Variants in PRKCB observed in about 807,000 individuals in gnomAD.
PRKCB encodes the protein protein kinase C beta, also known as protein kinase C beta type.
Under a neutral mutation model 81.5 loss-of-function variants are expected in PRKCB, and 13 were observed. The ratio of observed to expected loss-of-function variants is 0.16; its 90% CI spans 0.10 to 0.25. PRKCB has a LOEUF of 0.25. Ranked by LOEUF, PRKCB falls within the 10% of genes least tolerant of loss-of-function variation. The pLI is 1.00. For missense variants in PRKCB, 509 were observed against 875.7 expected (o/e 0.58, Z 5.29); for synonymous variants, 335 against 321.4 (o/e 1.04, Z -0.45).
At chr16:24,025,426 T>C (rs374425948) in intron 3 of PRKCB, among the ~76,000 whole-genome samples, 1 of 152,240 alleles carries the variant, frequency 6.6e-6, no homozygotes, top group East Asian at 1.9e-4. Context: ...TCCCTTAAAA[T>C]AGTCCCTGGC....
chr16:24,213,321 C>T (rs142360834), intron 16 of PRKCB, among the ~76,000 whole-genome samples: 89 of 152,342 alleles, frequency 5.8e-4, no homozygotes, highest in African/African-American at 2.1e-3. Context: ...GCGTGAGCCA[C>T]TGCGCCCAGT....
At chr16:24,091,083 G>A (rs771232164) in intron 5 of PRKCB, among the ~76,000 whole-genome samples, 18 of 151,842 alleles carry the variant, frequency 1.2e-4, no homozygotes, top group South Asian at 4.2e-4. Flanking sequence ...TATGGAACAC[G>A]AGAAAAAAAA....
At chr16:23,859,702 C>T (rs992091705) in intron 2 of PRKCB, among the ~76,000 whole-genome samples, 5 of 151,990 alleles carry the variant, frequency 3.3e-5, no homozygotes, top group African/African-American at 1.2e-4. Flanking sequence ...AGAGAAGACA[C>T]TTGGCAGGAA....
At chr16:23,902,784 C>CCTTCCTTCTT (rs1963501526) in intron 2 of PRKCB, among the ~76,000 whole-genome samples, 1 of 15,258 alleles carries the variant, frequency 6.6e-5, no homozygotes, top group African/African-American at 2.5e-4. Flanking sequence ...CTTCCTTCCT[C>CCTTCCTTCTT]CCTCCCTCCC....
intron 3 of PRKCB, among the ~76,000 whole-genome samples, chr16:24,021,298 CCTTCCTT>C (rs1567347255): frequency 0.037 from 472 of 12,918 alleles, 83 homozygotes; most frequent in African/African-American, 0.13. Context: ...TCCCTCCCTT[CCTTCCTT>C]CCTTCCTTCC....
chr16:23,837,706 G>A (rs759429141), intron 2 of PRKCB, among the ~76,000 whole-genome samples: 38 of 152,106 alleles, frequency 2.5e-4, no homozygotes, highest in African/African-American at 8.5e-4. Context: ...CGCTGGGGGA[G>A]AAAGTGTTTT....
At position 24,094,155 on chromosome 16, in the gene PRKCB, C is replaced by T. The variant is rs773646177; in HGVS notation, c.687-8C>T. 2 of 1,612,154 alleles carry T rather than the reference C, an allele frequency of 1.2e-6. No homozygotes were observed. Among genetic ancestry groups the T allele is most frequent in the East Asian group, 4.5e-5 (2 of 44,848 alleles). ...CTCCACTGATGTCTTTTCTTTTTCT[C>T]TATGCAGTCAGCTGAAAGAATCGGA... On this transcript the variant is annotated splice_polypyrimidine_tract_variant and splice_region_variant and intron_variant, in intron 6 of 16. Transcript: ENST00000643927.
In PRKCB at chr16:24,185,714, C is replaced by T. The variant is rs1967693736; in HGVS notation, c.1722+147C>T. ...CCAATATGAGAACCCTGATGTGGAG[C>T]TGCTACCTCCCGGAGGAGAGAGAGC... On this transcript the variant is annotated intron_variant, in intron 15 of 16. Coordinates refer to ENST00000643927, the MANE Select transcript of PRKCB (RefSeq NM_002738.7). 5.9e-6 allele frequency: 4 copies of T among 673,274 alleles called. No homozygotes were observed. In the Admixed American group the frequency reaches 8.6e-5, roughly 15 times the overall value. 41.7% of individuals were successfully genotyped at this position (673,274 alleles called of 1,614,324 possible). A position where few individuals can be genotyped will look rare whatever the true frequency, so the allele number is the denominator to read the frequency against.
At chr16:24,170,742 C>T (rs1178872007) in intron 10 of PRKCB, among the ~76,000 whole-genome samples, 2 of 152,238 alleles carry the variant, frequency 1.3e-5, no homozygotes, top group Non-Finnish European at 2.9e-5. Flanking sequence ...TCTCCAAATA[C>T]ATCCAGCTAT....
intron 8 of PRKCB, among the ~76,000 whole-genome samples, chr16:24,121,253 G>A (rs2141926086): frequency 6.6e-6 from 1 of 152,348 alleles, no homozygotes; most frequent in Non-Finnish European, 1.5e-5. Context: ...ACAGTATGGA[G>A]GACCCAATCC....
At chr16:24,003,163 A>G (rs1331225706) in intron 3 of PRKCB, among the ~76,000 whole-genome samples, 1 of 151,896 alleles carries the variant, frequency 6.6e-6, no homozygotes, top group Non-Finnish European at 1.5e-5. Context: ...CTTTCCCAAC[A>G]CCATGCCCAC....
chr16:24,018,934 A>C (rs976972340), intron 3 of PRKCB, among the ~76,000 whole-genome samples: 101 of 152,064 alleles, frequency 6.6e-4, no homozygotes, highest in African/African-American at 2.4e-3. Context: ...AGGTTTCCCT[A>C]CTTTTTTTGT....
intron 2 of PRKCB, among the ~76,000 whole-genome samples, chr16:23,842,910 T>C (rs1454463124): frequency 6.6e-6 from 1 of 152,208 alleles, no homozygotes; most frequent in African/African-American, 2.4e-5. Context: ...AAGCTAGAAT[T>C]GATGATAATG....
chr16:24,130,471 C>T (rs1311311456), intron 9 of PRKCB, among the ~76,000 whole-genome samples: 2 of 152,080 alleles, frequency 1.3e-5, no homozygotes, highest in Non-Finnish European at 2.9e-5. Context: ...TGGCCCCCAC[C>T]CCCAAAATAG....
chr16:24,046,183 C>T (rs1450070897), intron 5 of PRKCB, among the ~76,000 whole-genome samples: 1 of 152,218 alleles, frequency 6.6e-6, no homozygotes, highest in Non-Finnish European at 1.5e-5. Context: ...CTCTGTGTTG[C>T]TTTTCTGGAT....
intron 2 of PRKCB, among the ~76,000 whole-genome samples, chr16:23,953,642 A>T (rs1478719268): frequency 6.6e-6 from 1 of 152,200 alleles, no homozygotes; most frequent in African/African-American, 2.4e-5. Flanking sequence ...TTGAGTGAAG[A>T]TCTTCATGGC....
chr16:24,095,252 G>GT (rs1162827733), intron 7 of PRKCB, among the ~76,000 whole-genome samples: 5 of 152,046 alleles, frequency 3.3e-5, no homozygotes, highest in South Asian at 2.1e-4. Flanking sequence ...GGAGAACAGA[G>GT]TTTTTTTATG....
chr16:24,143,805 A>G (rs1368239940), intron 9 of PRKCB, among the ~76,000 whole-genome samples: 2 of 152,214 alleles, frequency 1.3e-5, no homozygotes, highest in Non-Finnish European at 2.9e-5. Flanking sequence ...TAGATGCACC[A>G]TCTGAATTCA....
chr16:24,169,581 T>G (rs977860669), intron 10 of PRKCB, among the ~76,000 whole-genome samples: 2 of 152,116 alleles, frequency 1.3e-5, no homozygotes, highest in Admixed American at 6.5e-5. Flanking sequence ...TCTCAATACC[T>G]GCATAGCTGC....
Sources: gnomAD v4.1 joint callset for allele counts (sites outside exome capture counted in the v4.1 genomes callset) on GRCh38, gnomAD v4.1.1 for gene constraint, MANE v1.5 for transcripts, NCBI Gene and HGNC (gene_info 2026-07-23, HGNC 2026-07-21) for gene names.